The following PTPRT variants were observed in gnomAD, a reference collection of about 807,000 sequenced individuals.
PTPRT encodes the protein receptor-type tyrosine-protein phosphatase T.
PTPRT carries 56 observed loss-of-function variants against 176.8 expected under a neutral mutation model. That is an observed-to-expected ratio of 0.32 (90% CI 0.26 to 0.40). PTPRT has a LOEUF of 0.40. PTPRT is among the 10% of genes least tolerant of loss of function. The pLI, the probability that PTPRT is intolerant of heterozygous loss-of-function variation, is 1.00. For synonymous variants in PTPRT, 783 were observed against 739.0 expected (o/e 1.06, Z -0.96); for missense variants, 1,540 against 1,908.2 (o/e 0.81, Z 3.60).
chr20:42,954,720 C>T (rs1981510910), intron 1 of PTPRT, among the ~76,000 whole-genome samples: 1 of 152,082 alleles, frequency 6.6e-6, no homozygotes, highest in Middle Eastern at 3.2e-3. Flanking sequence ...ATGGCATAAA[C>T]TCTAGAGAGG....
chr20:42,306,764 C>T (rs966261814), intron 12 of PTPRT, among the ~76,000 whole-genome samples: 1 of 152,126 alleles, frequency 6.6e-6, no homozygotes, highest in Non-Finnish European at 1.5e-5. Context: ...AACAGGAGCA[C>T]ATTGAGTTTC....
At chr20:42,577,475 G>A (rs1023389838) in intron 7 of PTPRT, among the ~76,000 whole-genome samples, 3 of 152,230 alleles carry the variant, frequency 2.0e-5, no homozygotes, top group East Asian at 1.9e-4. Flanking sequence ...ACTGGAAGGA[G>A]TGAAACCTGT....
chr20:42,262,424 G>A (rs1017764622), intron 13 of PTPRT, among the ~76,000 whole-genome samples: 23 of 152,290 alleles, frequency 1.5e-4, no homozygotes, highest in African/African-American at 4.8e-5. Flanking sequence ...GATCCCAGGC[G>A]AGACACTGGG....
At chr20:42,353,660 G>A (rs1379704753) in intron 9 of PTPRT, among the ~76,000 whole-genome samples, 3 of 152,176 alleles carry the variant, frequency 2.0e-5, no homozygotes, top group Admixed American at 1.3e-4. Flanking sequence ...CTGGTCCCAC[G>A]GATCACACTT....
At chr20:42,229,965 G>C (rs2056100592) in intron 15 of PTPRT, among the ~76,000 whole-genome samples, 1 of 151,984 alleles carries the variant, frequency 6.6e-6, no homozygotes, top group African/African-American at 2.4e-5. Flanking sequence ...CACTTACTGG[G>C]GTTCACTGCA....
In PTPRT at chr20:43,182,443, T is replaced by C. The variant is rs866515735; in HGVS notation, c.88+7203A>G. On this transcript the variant is annotated intron_variant, in intron 1 of 30. Coordinates refer to ENST00000373187, the MANE Select transcript of PTPRT (RefSeq NM_007050.6). ...TCTTGTTCTTTCACCCAGGCAGAAG[T>C]ACAGTGGCATGATCTCAGTTCCCTG... is the stretch of plus-strand genomic sequence containing the variant. Among the ~76,000 whole-genome samples, 5 of 151,714 alleles carry C rather than the reference T, an allele frequency of 3.3e-5. No individual in the cohort carries two copies. In the South Asian group the frequency reaches 8.4e-4, roughly 25 times the overall value.
At position 42,873,866 on chromosome 20, in the gene PTPRT, T is replaced by C. The variant is rs558688148; in HGVS notation, c.214+11941A>G. ...TTTTAGAGACATCTCAGCCATCTTG[T>C]TTTTACTAAACTGGGGAAAAAAGAC... On this transcript the variant is annotated intron_variant, in intron 2 of 30. Transcript: ENST00000373187. Among the ~76,000 whole-genome samples, 4 of 152,322 alleles carry C rather than the reference T, an allele frequency of 2.6e-5. No individual in the cohort carries two copies. The South Asian group carries it at 8.3e-4, about 32-fold the overall frequency.
chr20:42,725,746 G>T (rs1027405235), intron 6 of PTPRT, among the ~76,000 whole-genome samples: 1 of 151,970 alleles, frequency 6.6e-6, no homozygotes, highest in South Asian at 2.1e-4. Context: ...AACCATTGTG[G>T]GAGACAGTGT....
intron 9 of PTPRT, among the ~76,000 whole-genome samples, chr20:42,377,847 G>A (rs2058665759): frequency 6.6e-6 from 1 of 152,226 alleles, no homozygotes; most frequent in African/African-American, 2.4e-5. Flanking sequence ...TGAAGTGGTA[G>A]CATTAGTGCT....
rs188293712 is a variant in PTPRT, at chr20:42,081,920, T to C, written c.4234A>G (p.Thr1412Ala). 1 of 1,614,220 alleles carries C rather than the reference T, an allele frequency of 6.2e-7. No individual in the cohort carries two copies. Among genetic ancestry groups the C allele is most frequent in the African/African-American group, 1.3e-5 (1 of 75,060 alleles). Residue 1412 changes from threonine to alanine, a missense_variant, in exon 30 of 31, where the codon ACA becomes GCA. Physicochemically the swap from Thr to Ala is moderately conservative, Grantham distance 58. Around this residue, in one of 11 missense-constraint regions of PTPRT, gnomAD observed 342 missense variants for 394.0 expected, o/e 0.87. Transcript: ENST00000373187. Reference sequence around the variant, plus strand: ...ATGTTGGATTTGTTGTTACGCAGTGTTTTCACGATGTGGAACACGTCAATG... The same window carrying C: ...ATGTTGGATTTGTTGTTACGCAGTGCTTTCACGATGTGGAACACGTCAATG... Reference protein sequence around the residue: ...NIIDVFHIVKTLRNNKSNMVE... With the variant: ...NIIDVFHIVKALRNNKSNMVE...
intron 17 of PTPRT, among the ~76,000 whole-genome samples, chr20:42,148,556 G>C (rs1356947777): frequency 2.6e-5 from 4 of 152,088 alleles, no homozygotes; most frequent in Non-Finnish European, 4.4e-5. Context: ...CAAGGGACTA[G>C]ATAGGGTGGT....
chr20:42,520,802 C>CACATATATATAT (rs1555874465), intron 7 of PTPRT, among the ~76,000 whole-genome samples: 1 of 141,686 alleles, frequency 7.1e-6, no homozygotes, highest in African/African-American at 2.6e-5. Flanking sequence ...CTTGGAAAGA[C>CACATATATATAT]ATATATATAT....
At chr20:42,413,216 T>C (rs1324026935) in intron 9 of PTPRT, among the ~76,000 whole-genome samples, 2 of 152,078 alleles carry the variant, frequency 1.3e-5, no homozygotes, top group East Asian at 1.9e-4. Flanking sequence ...TGAAAACACA[T>C]GGAAAAGCTA....
intron 7 of PTPRT, among the ~76,000 whole-genome samples, chr20:42,640,405 A>T (rs2053675660): frequency 6.7e-6 from 1 of 149,768 alleles, no homozygotes; most frequent in African/African-American, 2.4e-5. Flanking sequence ...AAAAAAAAAA[A>T]ATTTTTTTGA....
At position 42,788,427 on chromosome 20, in the gene PTPRT, T is replaced by G. The variant is rs1042828033; in HGVS notation, c.486+2768A>C. Among the ~76,000 whole-genome samples the G allele has an allele frequency of 5.9e-5, 9 of 152,296 alleles. No homozygotes were observed. In the South Asian group the frequency reaches 6.2e-4, roughly 11 times the overall value. On this transcript the variant is annotated intron_variant, in intron 3 of 30. Transcript: ENST00000373187. ...TTCTCTTTCTCACTTCCTCTTTTAT[T>G]TCTGCTCTCTTCCTAACTTTCCTTA...
chr20:42,741,297 G>C (rs1443430090), intron 6 of PTPRT, among the ~76,000 whole-genome samples: 1 of 152,294 alleles, frequency 6.6e-6, no homozygotes, highest in South Asian at 2.1e-4. Context: ...CCTGGCATGA[G>C]CCCTTTTGTG....
intron 1 of PTPRT, among the ~76,000 whole-genome samples, chr20:42,947,129 A>G (rs1269897052): frequency 6.6e-6 from 1 of 152,164 alleles, no homozygotes; most frequent in Non-Finnish European, 1.5e-5. Flanking sequence ...CCAGGGGCCA[A>G]TTATTCACAT....
chr20:42,628,879 A>C (rs922552467), intron 7 of PTPRT, among the ~76,000 whole-genome samples: 1 of 152,168 alleles, frequency 6.6e-6, no homozygotes, highest in African/African-American at 2.4e-5. Flanking sequence ...ACAAATGCTA[A>C]CATATTTACT....
chr20:42,694,462 T>G (rs1350901974), intron 6 of PTPRT, among the ~76,000 whole-genome samples: 2 of 152,230 alleles, frequency 1.3e-5, no homozygotes, highest in Non-Finnish European at 2.9e-5. Context: ...TTAAGGGTCA[T>G]CTAGGCTATT....
Sources: gnomAD v4.1 joint callset for allele counts (sites outside exome capture counted in the v4.1 genomes callset) on GRCh38, gnomAD v4.1.1 for gene constraint, gnomAD v4.1.1 regional missense constraint, MANE v1.5 for transcripts, NCBI Gene and HGNC (gene_info 2026-07-23, HGNC 2026-07-21) for gene names.